ZHX3: variants seen among roughly 807,000 people sequenced by gnomAD.
The protein encoded by ZHX3 is zinc fingers and homeoboxes 3, also known as zinc fingers and homeoboxes protein 3.
In ZHX3, 20 loss-of-function variants were observed where a neutral mutation model predicts 64.5. The ratio of observed to expected loss-of-function variants is 0.31; its 90% CI spans 0.22 to 0.45. ZHX3 has a LOEUF of 0.45. ZHX3 is among the 20% of genes least tolerant of loss of function. ZHX3 has a pLI of 1.00. For synonymous variants in ZHX3, 423 were observed against 461.6 expected, an observed-to-expected ratio of 0.92 and a Z score of 1.07; for missense variants, 1,041 against 1,195.8, an observed-to-expected ratio of 0.87 and a Z score of 1.91.
rs2036349064 is a variant in ZHX3, at chr20:41,184,239, A to C, written c.*952T>G. On this transcript the variant is annotated 3_prime_UTR_variant, in exon 4 of 4. Transcript: ENST00000683867. ...GTGGAGAAAGGGCTCTGAAAACCGCAGTGGTCAAAGCTTCAGGCTGTGGCT... is the reference window on the plus strand; with the variant it reads ...GTGGAGAAAGGGCTCTGAAAACCGCCGTGGTCAAAGCTTCAGGCTGTGGCT... The C allele has an allele frequency of 6.6e-6, 1 of 152,298 alleles. No homozygotes were observed. Among genetic ancestry groups the C allele is most frequent in the African/African-American group, 2.4e-5 (1 of 41,458 alleles). 9.4% of individuals were successfully genotyped at this position (152,298 alleles called of 1,614,324 possible).
rs368715408 is a variant in ZHX3, at chr20:41,185,208, A to C, written c.2861-7T>G. 1 of 1,605,524 alleles carries C rather than the reference A, an allele frequency of 6.2e-7. No individual in the cohort carries two copies. Among genetic ancestry groups the C allele is most frequent in the Non-Finnish European group, 8.5e-7 (1 of 1,174,676 alleles). On this transcript the variant is annotated splice_region_variant and splice_polypyrimidine_tract_variant and intron_variant, in intron 3 of 3. Transcript: ENST00000683867. The surrounding 1 kb of genome is among the most constrained non-coding windows in gnomAD (Gnocchi z 5.0). The stretch of plus-strand genomic sequence containing the variant: ...GATCAAATTCAGTCTGTTTCTGAGA[A>C]GAAAACACATGCCTGTCACTCTACG...
At chr20:41,271,380 C>T (rs2043142038) in intron 1 of ZHX3, among the ~76,000 whole-genome samples, 1 of 152,140 alleles carries the variant, frequency 6.6e-6, no homozygotes, top group Admixed American at 6.5e-5. Flanking sequence ...TTGCCAGATC[C>T]CTTCTAACTT....
chr20:41,232,124 T>C lies in ZHX3; in HGVS notation c.-150-27058A>G, dbSNP rs2040646469. Among the ~76,000 whole-genome samples, 1 of 152,104 alleles carries C rather than the reference T, an allele frequency of 6.6e-6. No homozygotes were observed. The highest frequency in any genetic ancestry group is 6.5e-5 in the Admixed American group (1 of 15,274). Reference sequence around the variant, plus strand: ...TTAAAGGGTTGGAAAATGAGATTTATGGGTAATGGCCACAGAAACGAAGAC... The same window carrying C: ...TTAAAGGGTTGGAAAATGAGATTTACGGGTAATGGCCACAGAAACGAAGAC... On this transcript the variant is annotated intron_variant, in intron 2 of 3. Transcript: ENST00000683867. The surrounding 1 kb of genome is among the most constrained non-coding windows in gnomAD (Gnocchi z 5.0).
chr20:41,192,675 T>C (rs971770837), intron 3 of ZHX3, among the ~76,000 whole-genome samples: 5 of 152,212 alleles, frequency 3.3e-5, no homozygotes, highest in African/African-American at 1.2e-4. Flanking sequence ...CAGTCTGCAG[T>C]TCTCTTACAC....
chr20:41,220,691 GT>G (rs975086866), intron 2 of ZHX3, among the ~76,000 whole-genome samples: 1 of 151,396 alleles, frequency 6.6e-6, no homozygotes, highest in African/African-American at 2.4e-5. Context: ...GTTTTGTTTT[GT>G]TTTTGTTTTG....
At chr20:41,256,834 T>A (rs898825968) in intron 2 of ZHX3, among the ~76,000 whole-genome samples, 1 of 151,958 alleles carries the variant, frequency 6.6e-6, no homozygotes. Context: ...TTGCCATTTT[T>A]AAAATAGATT....
chr20:41,212,335 C>G lies in ZHX3; in HGVS notation c.-150-7269G>C, dbSNP rs2039217392. On this transcript the variant is annotated intron_variant, in intron 2 of 3. Transcript: ENST00000683867. The surrounding 1 kb of genome is among the most constrained non-coding windows in gnomAD (Gnocchi z 4.3). ...CACAAATCAAAACCACAATGAGATA[C>G]CACTTCACACCCACCAAGATGGCTG... Among the ~76,000 whole-genome samples, 2 of 152,092 alleles carry G rather than the reference C, an allele frequency of 1.3e-5. No individual in the cohort carries two copies. The highest frequency in any genetic ancestry group is 4.8e-5 in the African/African-American group (2 of 41,414).
intron 1 of ZHX3, among the ~76,000 whole-genome samples, chr20:41,303,836 C>T (rs2044896807): frequency 6.6e-6 from 1 of 152,154 alleles, no homozygotes; most frequent in Non-Finnish European, 1.5e-5. Context: ...AAGCCCATAG[C>T]CCCCTCTTAT....
At chr20:41,211,849 G>C (rs1023192619) in intron 2 of ZHX3, among the ~76,000 whole-genome samples, 4 of 152,182 alleles carry the variant, frequency 2.6e-5, no homozygotes, top group Admixed American at 2.0e-4. Flanking sequence ...ATCTCAAAGA[G>C]CATCAACATT....
chr20:41,209,033 C>G (rs535700534), intron 2 of ZHX3, among the ~76,000 whole-genome samples: 1 of 152,296 alleles, frequency 6.6e-6, no homozygotes, highest in South Asian at 2.1e-4. Flanking sequence ...CACAAGCATT[C>G]CAATACACCA....
At chr20:41,285,279 G>A (rs894913295) in intron 1 of ZHX3, among the ~76,000 whole-genome samples, 15 of 152,264 alleles carry the variant, frequency 9.9e-5, no homozygotes, top group African/African-American at 3.6e-4. Context: ...CCAACTTACA[G>A]AATAAGCATC....
rs376147824 is a variant in ZHX3 at position 41,281,094 on chromosome 20, G to A, written c.-244-12011C>T. Among the ~76,000 whole-genome samples, 76 of 152,222 alleles carry A rather than the reference G, an allele frequency of 5.0e-4. 1 individual carries two copies. Among genetic ancestry groups the A allele is most frequent in the East Asian group, 4.8e-3 (25 of 5,190 alleles). On this transcript the variant is annotated intron_variant, in intron 1 of 3. Coordinates refer to ENST00000683867, the MANE Select transcript of ZHX3 (RefSeq NM_001384317.1). ...AAATCTAGGAACATGCTACAGTTAG[G>A]AAGCATGCTAACTGTAACAAAAGGA... is the stretch of plus-strand genomic sequence containing the variant.
At chr20:41,314,838 C>T (rs1363338704) in intron 1 of ZHX3, among the ~76,000 whole-genome samples, 1 of 152,126 alleles carries the variant, frequency 6.6e-6, no homozygotes, top group Admixed American at 6.5e-5. Context: ...GGATAATGAG[C>T]ATTCATTCTT....
rs1600605791 is a variant in ZHX3, at chr20:41,278,385, T to C, written c.-244-9302A>G. Among the ~76,000 whole-genome samples, 2 of 139,710 alleles carry C rather than the reference T, an allele frequency of 1.4e-5. 1 individual carries two copies. The allele number at this position is 139,710 out of a possible 152,430, so 91.7% of individuals were successfully genotyped here. Reference sequence around the variant, plus strand: ...GATTATAGTTGGGGGAAAGCTCATGTAAGCCAAAACTATCCACTACCAAAA... The same window carrying C: ...GATTATAGTTGGGGGAAAGCTCATGCAAGCCAAAACTATCCACTACCAAAA... On this transcript the variant is annotated intron_variant, in intron 1 of 3. Coordinates refer to ENST00000683867, the MANE Select transcript of ZHX3 (RefSeq NM_001384317.1).
At chr20:41,198,415 G>T (rs560938743) in intron 3 of ZHX3, among the ~76,000 whole-genome samples, 1 of 151,910 alleles carries the variant, frequency 6.6e-6, no homozygotes, top group Admixed American at 6.6e-5. Flanking sequence ...ATTTTATTTG[G>T]AAATGTCTGG....
At chr20:41,210,756 G>A (rs898946032) in intron 2 of ZHX3, among the ~76,000 whole-genome samples, 1 of 152,182 alleles carries the variant, frequency 6.6e-6, no homozygotes, top group South Asian at 2.1e-4. Flanking sequence ...AAGTTAACGA[G>A]TGCAGCACAC....
intron 2 of ZHX3, among the ~76,000 whole-genome samples, chr20:41,262,868 G>C (rs1299893349): frequency 6.6e-6 from 1 of 152,156 alleles, no homozygotes; most frequent in African/African-American, 2.4e-5. Flanking sequence ...AGGAAGAGAA[G>C]ATGCCAAAAA....
intron 2 of ZHX3, among the ~76,000 whole-genome samples, chr20:41,222,023 G>A (rs1253760550): frequency 6.6e-6 from 1 of 152,224 alleles, no homozygotes; most frequent in East Asian, 1.9e-4. Context: ...GCAGAAGGTT[G>A]GCGTCATCCG....
At chr20:41,196,435 T>TATATATTTATATAA (rs1555826647) in intron 3 of ZHX3, among the ~76,000 whole-genome samples, 61 of 3,934 alleles carry the variant, frequency 0.016, 2 homozygotes, top group East Asian at 0.12. Flanking sequence ...TTTATATAAA[T>TATATATTTATATAA]ATATATATTA....
Sources: gnomAD v4.1 joint callset for allele counts (sites outside exome capture counted in the v4.1 genomes callset) on GRCh38, gnomAD v4.1.1 for gene constraint, Gnocchi (gnomAD v3.1) non-coding constraint, MANE v1.5 for transcripts, NCBI Gene and HGNC (gene_info 2026-07-23, HGNC 2026-07-21) for gene names.